The following CACNB4 variants were observed in gnomAD, a reference collection of about 807,000 sequenced individuals.
CACNB4 encodes the protein voltage-dependent L-type calcium channel subunit beta-4.
A neutral mutation model predicts 71.2 loss-of-function variants in CACNB4; 32 were observed. The observed-to-expected ratio is 0.45, with a 90% CI of 0.34 to 0.60. The LOEUF is 0.60. Among genes scored for constraint, CACNB4 ranks in the 20% least tolerant of loss-of-function variants. The pLI, the probability that CACNB4 is intolerant of heterozygous loss-of-function variation, is 0.01. For synonymous variants in CACNB4, 231 were observed against 236.9 expected, an observed-to-expected ratio of 0.97 and a Z score of 0.23; for missense variants, 464 against 647.9, an observed-to-expected ratio of 0.72 and a Z score of 3.08.
chr2:152,094,392 C>T (rs1688149715), intron 2 of CACNB4, among the ~76,000 whole-genome samples: 1 of 152,208 alleles, frequency 6.6e-6, no homozygotes, highest in South Asian at 2.1e-4. Context: ...AGGCTGGAAG[C>T]AGGCAGGGGC....
intron 2 of CACNB4, among the ~76,000 whole-genome samples, chr2:152,058,728 T>C (rs1023636629): frequency 1.3e-5 from 2 of 152,190 alleles, no homozygotes; most frequent in African/African-American, 4.8e-5. Context: ...GATGCAGAAA[T>C]TGGCATAAGT....
At chr2:151,964,114 T>C (rs1201786538) in intron 2 of CACNB4, among the ~76,000 whole-genome samples, 3 of 145,672 alleles carry the variant, frequency 2.1e-5, no homozygotes, top group East Asian at 2.0e-4. Flanking sequence ...AGCATTTAAC[T>C]GTAGGACTGA....
At chr2:152,091,991 C>T (rs1037063740) in intron 2 of CACNB4, among the ~76,000 whole-genome samples, 1 of 152,192 alleles carries the variant, frequency 6.6e-6, no homozygotes, top group African/African-American at 2.4e-5. Context: ...GAATAAGCTC[C>T]ATATGTCCTT....
chr2:151,852,437 C>G (rs151105203), intron 12 of CACNB4: 2 of 152,316 alleles, frequency 1.3e-5, no homozygotes, highest in East Asian at 3.9e-4. Context: ...CTTACAGAGT[C>G]TACTGGACCA....
chr2:151,842,691 A>G (rs573248254), intron 12 of CACNB4, among the ~76,000 whole-genome samples: 1 of 152,244 alleles, frequency 6.6e-6, no homozygotes, highest in East Asian at 1.9e-4. Context: ...TTACAGGTAA[A>G]ATATGACAAA....
chr2:152,023,273 C>T (rs1683776169), intron 2 of CACNB4, among the ~76,000 whole-genome samples: 1 of 152,082 alleles, frequency 6.6e-6, no homozygotes, highest in South Asian at 2.1e-4. Context: ...CCACCAGGCC[C>T]TGCCCTCAAC....
At chr2:151,855,647 G>T (rs2099840089) in intron 10 of CACNB4, among the ~76,000 whole-genome samples, 1 of 152,066 alleles carries the variant, frequency 6.6e-6, no homozygotes, top group South Asian at 2.1e-4. Context: ...TAACTACGAT[G>T]ATTATTTTAT....
At chr2:152,014,646 G>A (rs1487906144) in intron 2 of CACNB4, among the ~76,000 whole-genome samples, 3 of 150,334 alleles carry the variant, frequency 2.0e-5, no homozygotes, top group Non-Finnish European at 3.0e-5. Context: ...CAGGAGAATC[G>A]CTTGAACCCA....
intron 2 of CACNB4, among the ~76,000 whole-genome samples, chr2:152,002,024 A>G (rs1248775264): frequency 6.6e-6 from 1 of 152,190 alleles, no homozygotes; most frequent in African/African-American, 2.4e-5. Flanking sequence ...ACAGCACACC[A>G]AAGTCTTCAC....
At chr2:152,077,309 C>A (rs1420755801) in intron 2 of CACNB4, among the ~76,000 whole-genome samples, 1 of 152,200 alleles carries the variant, frequency 6.6e-6, no homozygotes, top group Non-Finnish European at 1.5e-5. Flanking sequence ...AATCACAACA[C>A]TTTGGGAGGC....
chr2:151,850,766 A>G (rs1444287263), intron 12 of CACNB4: 2 of 152,226 alleles, frequency 1.3e-5, no homozygotes, highest in Non-Finnish European at 2.9e-5. Context: ...TCTGTAGTAA[A>G]GAAACCAGAC....
intron 2 of CACNB4, among the ~76,000 whole-genome samples, chr2:152,093,990 G>T (rs1416023239): frequency 6.6e-6 from 1 of 152,224 alleles, no homozygotes; most frequent in Non-Finnish European, 1.5e-5. Flanking sequence ...TCATTCAAGT[G>T]TGTGTTTATT....
chr2:152,015,075 T>C (rs1294482106), intron 2 of CACNB4, among the ~76,000 whole-genome samples: 1 of 152,164 alleles, frequency 6.6e-6, no homozygotes, highest in East Asian at 1.9e-4. Flanking sequence ...CATGAACCAT[T>C]TCCTCCAGCT....
At chr2:151,917,417 C>T (rs1260343116) in intron 2 of CACNB4, among the ~76,000 whole-genome samples, 1 of 152,154 alleles carries the variant, frequency 6.6e-6, no homozygotes, top group South Asian at 2.1e-4. Context: ...GTTAATAAAG[C>T]GTACTGCCAC....
intron 9 of CACNB4, among the ~76,000 whole-genome samples, chr2:151,864,602 C>T (rs1048317265): frequency 3.9e-5 from 6 of 152,112 alleles, no homozygotes; most frequent in Admixed American, 1.3e-4. Context: ...CAACAGTGCA[C>T]TTTCAGGAGA....
intron 2 of CACNB4, among the ~76,000 whole-genome samples, chr2:151,989,104 C>T (rs901751645): frequency 1.3e-5 from 2 of 152,190 alleles, no homozygotes; most frequent in Non-Finnish European, 1.5e-5. Context: ...TTGATCTTCT[C>T]ACCTGTGTTT....
chr2:151,987,914 G>A (rs1681461730), intron 2 of CACNB4, among the ~76,000 whole-genome samples: 3 of 152,122 alleles, frequency 2.0e-5, no homozygotes, highest in Non-Finnish European at 4.4e-5. Context: ...TTATGCATCT[G>A]CATGAATTTG....
chr2:152,000,139 T>C (rs1355233555), intron 2 of CACNB4, among the ~76,000 whole-genome samples: 1 of 152,198 alleles, frequency 6.6e-6, no homozygotes, highest in Admixed American at 6.5e-5. Flanking sequence ...CATCAGCAAA[T>C]TGAGTTTCTT....
At chr2:151,941,275 A>ATTTTTTTTTTTTTTTTTTTTTTTTT (rs11346045) in intron 2 of CACNB4, among the ~76,000 whole-genome samples, 1 of 112,302 alleles carries the variant, frequency 8.9e-6, no homozygotes, top group Non-Finnish European at 1.8e-5. Flanking sequence ...AAAATGGTTA[A>ATTTTTTTTTTTTTTTTTTTTTTTTT]TTTTTTTTTT....
Sources: allele counts gnomAD v4.1 joint callset (sites outside exome capture counted in the v4.1 genomes callset), GRCh38; gene constraint gnomAD v4.1.1; transcripts MANE v1.5; gene names NCBI Gene and HGNC (gene_info 2026-07-23, HGNC 2026-07-21).